The following RCC1 variants were observed in gnomAD, a reference collection of about 807,000 sequenced individuals.
RCC1 encodes the protein regulator of chromosome condensation 1.
A neutral mutation model predicts 44.4 loss-of-function variants in RCC1; 11 were observed. The ratio of observed to expected loss-of-function variants is 0.25; its 90% CI spans 0.16 to 0.41. The LOEUF (loss-of-function observed/expected upper bound fraction) is 0.41, where lower values mean the gene tolerates loss of function less well. RCC1 is among the 10% of genes least tolerant of loss of function. RCC1 has a pLI of 1.00. For missense variants in RCC1, 386 were observed against 547.1 expected, an observed-to-expected ratio of 0.71 and a Z score of 2.94; for synonymous variants, 213 against 216.5, an observed-to-expected ratio of 0.98 and a Z score of 0.14.
rs544751634 is a variant in RCC1, at chr1:28,523,613, C to T, written c.-9-6245C>T. On this transcript the variant is annotated intron_variant, in intron 4 of 12. Coordinates refer to ENST00000683442, the MANE Select transcript of RCC1 (RefSeq NM_001381865.2). ...TAGCCCTTATGTGTCTGACTCCATT[C>T]CGGGCTGTGCTCATGGCAGCCCAGC... 2.0e-5 allele frequency among the ~76,000 whole-genome samples: 3 copies of T among 152,294 alleles called. No homozygotes were observed. The South Asian group carries it at 6.2e-4, about 32-fold the overall frequency.
intron 4 of RCC1, 138 bp downstream of exon 4, chr1:28,517,005 C>T (rs1662934595): frequency 2.6e-6 from 1 of 387,062 alleles, no homozygotes; most frequent in South Asian, 1.9e-5. Flanking sequence ...CCTGTAATCC[C>T]AGCTATTTGG....
intron 9 of RCC1, 75 bp from the exon 10 acceptor site, chr1:28,535,796 G>A (rs1426121347): frequency 1.0e-5 from 15 of 1,504,594 alleles, no homozygotes; most frequent in Admixed American, 7.4e-5. Context: ...TATAATGGAG[G>A]AGAATTAAAC....
intron 4 of RCC1, among the ~76,000 whole-genome samples, chr1:28,524,735 G>A (rs966047007): frequency 1.3e-5 from 2 of 152,084 alleles, no homozygotes; most frequent in African/African-American, 4.8e-5. Flanking sequence ...GTGCACACCT[G>A]TAGTCCCAGC....
intron 7 of RCC1, among the ~76,000 whole-genome samples, chr1:28,533,662 C>T (rs1252336703): frequency 5.0e-5 from 7 of 139,674 alleles, no homozygotes; most frequent in East Asian, 4.7e-4. Context: ...CCCAGCTACT[C>T]GGGAGGCTGA....
In RCC1 at chr1:28,538,182, A is replaced by C; in HGVS notation, c.*175A>C. 1 of 578,518 alleles carries C rather than the reference A, an allele frequency of 1.7e-6. No individual in the cohort carries two copies. The highest frequency in any genetic ancestry group is 2.9e-6 in the Non-Finnish European group (1 of 343,428). 35.8% of individuals were successfully genotyped at this position (578,518 alleles called of 1,614,324 possible). ...TCCTCTTTTCCTTCCTCCTCTTTGG[A>C]ATTTTCCTGGGACCTACAGAATAAA... On this transcript the variant is annotated 3_prime_UTR_variant, in exon 13 of 13. Coordinates refer to ENST00000683442, the MANE Select transcript of RCC1 (RefSeq NM_001381865.2).
At position 28,536,260 on chromosome 1, in the gene RCC1, A is replaced by T. The variant is rs1444479135; in HGVS notation, c.818-2A>T. On this transcript the variant is annotated splice_acceptor_variant, in intron 10 of 12. Transcript: ENST00000683442. LOFTEE classifies it high-confidence loss of function. The surrounding 1 kb of genome is among the most constrained non-coding windows in gnomAD (Gnocchi z 4.9). ...CCCTGATGGCTCCGGCCTTTCCCCC[A>T]GGAACTCCGGGCACAGAATCTTGCT... is the stretch of plus-strand genomic sequence containing the variant. 6.2e-7 allele frequency: 1 copy of T among 1,613,854 alleles called. No homozygotes were observed. The highest frequency in any genetic ancestry group is 8.5e-7 in the Non-Finnish European group (1 of 1,179,846).
intron 4 of RCC1, among the ~76,000 whole-genome samples, chr1:28,529,182 C>CTTTTTTT (rs568053824): frequency 3.7e-5 from 3 of 80,506 alleles, no homozygotes; most frequent in Non-Finnish European, 4.6e-5. Context: ...CGCGCCCAGG[C>CTTTTTTT]TTTTTTTTTT....
intron 1 of RCC1, chr1:28,507,584 G>GAATC (rs1182587090): frequency 4.0e-6 from 2 of 501,100 alleles, no homozygotes; most frequent in African/African-American, 4.0e-5. Flanking sequence ...CTAGAGCACT[G>GAATC]AATCTGGATT....
At chr1:28,527,538 C>T (rs1663751120) in intron 4 of RCC1, among the ~76,000 whole-genome samples, 1 of 152,024 alleles carries the variant, frequency 6.6e-6, no homozygotes, top group African/African-American at 2.4e-5. Flanking sequence ...GGCACCTTGT[C>T]TCTAAAAAAA....
At chr1:28,511,403 G>T (rs865999386) in intron 3 of RCC1, among the ~76,000 whole-genome samples, 199 of 141,470 alleles carry the variant, frequency 1.4e-3, no homozygotes, top group East Asian at 0.011. Context: ...TTTGTTTTTT[G>T]TTTTTTTTTT....
chr1:28,531,331 ATC>A (rs1172550647), intron 5 of RCC1, among the ~76,000 whole-genome samples: 1 of 139,510 alleles, frequency 7.2e-6, no homozygotes, highest in Non-Finnish European at 1.5e-5. Flanking sequence ...CAGTGGCACG[ATC>A]TTGGCTCACT....
chr1:28,529,988 C>G (rs750550557), intron 5 of RCC1, 49 bp downstream of exon 5: 1 of 1,469,950 alleles, frequency 6.8e-7, no homozygotes. Flanking sequence ...CCTTGAAACC[C>G]TAAGAACCCG....
chr1:28,530,558 G>C, intron 5 of RCC1: 1 of 1,606,022 alleles, frequency 6.2e-7, no homozygotes, highest in Non-Finnish European at 8.5e-7. Flanking sequence ...CGTTCCTGGC[G>C]CCCGCTCCTG....
chr1:28,527,477 A>C (rs1436876560), intron 4 of RCC1, among the ~76,000 whole-genome samples: 1 of 152,120 alleles, frequency 6.6e-6, no homozygotes, highest in Non-Finnish European at 1.5e-5. Flanking sequence ...TCCTGGGCTC[A>C]AGCGATCCTC....
At chr1:28,511,720 G>C (rs1046869398) in intron 3 of RCC1, among the ~76,000 whole-genome samples, 4 of 150,394 alleles carry the variant, frequency 2.7e-5, no homozygotes, top group African/African-American at 9.8e-5. Context: ...GAGTGCAATG[G>C]AGCCATCTTG....
intron 4 of RCC1, among the ~76,000 whole-genome samples, chr1:28,528,865 G>A (rs1027603882): frequency 3.0e-5 from 1 of 33,896 alleles, no homozygotes; most frequent in African/African-American, 1.5e-4. Context: ...TTTTTTTTTT[G>A]GTTGGGGGGT....
intron 4 of RCC1, chr1:28,518,320 C>G (rs966508643): frequency 1.6e-4 from 25 of 152,388 alleles, no homozygotes; most frequent in African/African-American, 6.0e-4. Context: ...TAGGTCTCGC[C>G]TGGGACGCGC....
intron 3 of RCC1, among the ~76,000 whole-genome samples, chr1:28,512,511 T>G (rs1662625580): frequency 6.6e-6 from 1 of 152,166 alleles, no homozygotes; most frequent in Non-Finnish European, 1.5e-5. Flanking sequence ...TTGATTTGTT[T>G]TTATCTTTAT....
At chr1:28,537,265 C>G (rs1220837503) in intron 12 of RCC1, among the ~76,000 whole-genome samples, 2 of 151,914 alleles carry the variant, frequency 1.3e-5, no homozygotes, top group Admixed American at 6.6e-5. Context: ...TTTCCAGGGA[C>G]TTTTACTTAG....
Sources: gnomAD v4.1 joint callset for allele counts (sites outside exome capture counted in the v4.1 genomes callset) on GRCh38, gnomAD v4.1.1 for gene constraint, Gnocchi (gnomAD v3.1) non-coding constraint, MANE v1.5 for transcripts, NCBI Gene and HGNC (gene_info 2026-07-23, HGNC 2026-07-21) for gene names.